The following PHACTR4 variants were observed in gnomAD, a reference collection of about 807,000 sequenced individuals.
The protein encoded by PHACTR4 is protein phosphatase 1, regulatory subunit 124.
PHACTR4 carries 51 observed loss-of-function variants against 72.7 expected under a neutral mutation model. The observed-to-expected ratio is 0.70, with a 90% CI of 0.56 to 0.89. PHACTR4 has a LOEUF of 0.89. PHACTR4 is among the 40% of genes least tolerant of loss of function. The probability of loss-of-function intolerance (pLI) is 0.00; values close to 1 mark genes in which losing one functional copy is unlikely to be tolerated. For synonymous variants in PHACTR4, 255 were observed against 302.5 expected (o/e 0.84, Z 1.63); for missense variants, 731 against 861.8 (o/e 0.85, Z 1.90).
At chr1:28,382,775 T>C (rs1462485496) in intron 1 of PHACTR4, among the ~76,000 whole-genome samples, 1 of 152,118 alleles carries the variant, frequency 6.6e-6, no homozygotes, top group African/African-American at 2.4e-5. Context: ...TAGCCAGTTA[T>C]CCCAGCACTG....
intron 4 of PHACTR4, among the ~76,000 whole-genome samples, chr1:28,460,775 C>T (rs185718946): frequency 1.5e-3 from 221 of 152,276 alleles, no homozygotes; most frequent in Non-Finnish European, 2.7e-3. Flanking sequence ...TCCCAAAGTT[C>T]TGGGACTACA....
chr1:28,432,551 G>A (rs972002386), intron 2 of PHACTR4, among the ~76,000 whole-genome samples: 11 of 151,650 alleles, frequency 7.3e-5, no homozygotes, highest in African/African-American at 2.7e-4. Flanking sequence ...GGCTGAGGTG[G>A]GAGGATTACT....
At chr1:28,478,013 C>A (rs911119070) in intron 8 of PHACTR4, among the ~76,000 whole-genome samples, 1 of 152,016 alleles carries the variant, frequency 6.6e-6, no homozygotes, top group African/African-American at 2.4e-5. Flanking sequence ...CTATCTAATT[C>A]TGTTTTTATA....
intron 1 of PHACTR4, among the ~76,000 whole-genome samples, chr1:28,370,492 T>G (rs1651154060): frequency 6.6e-6 from 1 of 152,078 alleles, no homozygotes; most frequent in Admixed American, 6.6e-5. Flanking sequence ...CTGCGATGTC[T>G]GTGCAGCTCA....
At chr1:28,451,388 G>GA (rs974381896) in intron 2 of PHACTR4, among the ~76,000 whole-genome samples, 1 of 146,984 alleles carries the variant, frequency 6.8e-6, no homozygotes, top group African/African-American at 2.7e-5. Context: ...ATTGTAGCAG[G>GA]ATTTTTTTTT....
chr1:28,493,416 T>C (rs1661156243), intron 13 of PHACTR4, among the ~76,000 whole-genome samples: 1 of 151,768 alleles, frequency 6.6e-6, no homozygotes. Flanking sequence ...CAGGCGCCTG[T>C]AATCCCAACT....
chr1:28,456,337 C>T (rs531922290), intron 2 of PHACTR4, among the ~76,000 whole-genome samples: 2 of 152,212 alleles, frequency 1.3e-5, no homozygotes, highest in Non-Finnish European at 1.5e-5. Context: ...AACTCACTCA[C>T]TATTGCTAAG....
intron 2 of PHACTR4, among the ~76,000 whole-genome samples, chr1:28,440,068 G>T (rs1656894817): frequency 6.6e-6 from 1 of 152,006 alleles, no homozygotes; most frequent in Non-Finnish European, 1.5e-5. Context: ...TTGGGAGGCC[G>T]AGGCAGGCGG....
intron 8 of PHACTR4, among the ~76,000 whole-genome samples, chr1:28,479,543 A>G (rs974867742): frequency 1.3e-5 from 2 of 148,544 alleles, no homozygotes; most frequent in African/African-American, 5.0e-5. Flanking sequence ...AGATCTTGCC[A>G]CTGCACTGCA....
At chr1:28,426,679 C>T (rs376327031) in intron 2 of PHACTR4, among the ~76,000 whole-genome samples, 4 of 150,808 alleles carry the variant, frequency 2.7e-5, no homozygotes, top group Admixed American at 6.6e-5. Flanking sequence ...AAAAAAGAAA[C>T]GTGGAATTGG....
At chr1:28,475,936 A>G (rs1659889652) in intron 7 of PHACTR4, among the ~76,000 whole-genome samples, 171 bp from the exon 8 acceptor site, 2 of 152,050 alleles carry the variant, frequency 1.3e-5, no homozygotes, top group African/African-American at 4.8e-5. Context: ...CATGTTGGCC[A>G]GGCTGGTCTC....
At chr1:28,411,157 C>T (rs1485428618) in intron 2 of PHACTR4, among the ~76,000 whole-genome samples, 1 of 151,884 alleles carries the variant, frequency 6.6e-6, no homozygotes, top group African/African-American at 2.4e-5. Context: ...AGCAATTCTC[C>T]TGCCTCAGCC....
chr1:28,448,426 AAAAGG>A (rs77755219), intron 2 of PHACTR4, among the ~76,000 whole-genome samples: 23,583 of 147,862 alleles, frequency 0.16, 2,886 homozygotes, highest in African/African-American at 0.35. Context: ...GGGGAAAGGA[AAAAGG>A]AAAGGAAAGG....
chr1:28,481,042 T>TC (rs1191799755), intron 9 of PHACTR4, among the ~76,000 whole-genome samples: 1 of 151,098 alleles, frequency 6.6e-6, no homozygotes, highest in Non-Finnish European at 1.5e-5. Flanking sequence ...GTGATTTTTT[T>TC]TTCTTTTCAG....
At chr1:28,419,099 A>T (rs1036030073) in intron 2 of PHACTR4, among the ~76,000 whole-genome samples, 6 of 141,636 alleles carry the variant, frequency 4.2e-5, no homozygotes, top group Admixed American at 1.4e-4. Context: ...ATGCCAATTT[A>T]TAGCTAGCTG....
At chr1:28,397,036 A>C (rs1029868847) in intron 1 of PHACTR4, among the ~76,000 whole-genome samples, 1 of 151,584 alleles carries the variant, frequency 6.6e-6, no homozygotes, top group Non-Finnish European at 1.5e-5. Flanking sequence ...TGGAAATAAC[A>C]CTTTAGTTGT....
At chr1:28,419,517 A>C (rs1261623191) in intron 2 of PHACTR4, among the ~76,000 whole-genome samples, 2 of 151,654 alleles carry the variant, frequency 1.3e-5, no homozygotes, top group Admixed American at 1.3e-4. Flanking sequence ...TTTTGAGATG[A>C]AGTCTACCTC....
intron 2 of PHACTR4, among the ~76,000 whole-genome samples, chr1:28,417,036 C>CTT (rs373401604): frequency 6.8e-6 from 1 of 148,138 alleles, no homozygotes; most frequent in Non-Finnish European, 1.5e-5. Flanking sequence ...TTCTTTCTTG[C>CTT]TTTTTTTTTT....
rs1199266951 is a variant in PHACTR4 at position 28,431,200 on chromosome 1, T to A, written c.16+23737T>A. On this transcript the variant is annotated intron_variant, in intron 2 of 13. Coordinates refer to ENST00000373839, the MANE Select transcript of PHACTR4 (RefSeq NM_001048183.3). ...TCTCAAAAAAAAAAAAACCAAAATA[T>A]ATATATATATATATAAACATGGGGC... is the stretch of plus-strand genomic sequence containing the variant. Among the ~76,000 whole-genome samples, 671 of 128,924 alleles carry A rather than the reference T, an allele frequency of 5.2e-3. 12 individuals carry two copies. The highest frequency in any genetic ancestry group is 0.02 in the African/African-American group (648 of 31,898). 84.6% of individuals were successfully genotyped at this position (128,924 alleles called of 152,430 possible).
Sources: allele counts gnomAD v4.1 joint callset (sites outside exome capture counted in the v4.1 genomes callset), GRCh38; gene constraint gnomAD v4.1.1; transcripts MANE v1.5; gene names NCBI Gene and HGNC (gene_info 2026-07-23, HGNC 2026-07-21).